The following HDC variants were observed in gnomAD, a reference collection of about 807,000 sequenced individuals.
HDC encodes the protein histidine decarboxylase.
In HDC, 27 loss-of-function variants were observed where a neutral mutation model predicts 64.4. The ratio of observed to expected loss-of-function variants is 0.42; its 90% confidence interval spans 0.31 to 0.58. The LOEUF (loss-of-function observed/expected upper bound fraction) is 0.58, where lower values mean the gene tolerates loss of function less well. Among genes scored for constraint, HDC ranks in the 20% least tolerant of loss-of-function variants. The pLI is 0.16. For missense variants in HDC, 711 were observed against 833.9 expected (o/e 0.85, Z 1.81); for synonymous variants, 305 against 314.2 (o/e 0.97, Z 0.31).
chr15:50,263,096 G>A, intron 2 of HDC, 139 bp downstream of exon 2: 1 of 846,450 alleles, frequency 1.2e-6, no homozygotes, highest in Non-Finnish European at 2.0e-6. Context: ...CCTAGCAGAT[G>A]GGCTGGGGTG....
chr15:50,265,387 G>A (rs905623599), intron 1 of HDC, among the ~76,000 whole-genome samples: 1 of 151,916 alleles, frequency 6.6e-6, no homozygotes, highest in Admixed American at 6.6e-5. Context: ...GTATATGAGA[G>A]GGAGAATGAA....
At chr15:50,265,063 C>T (rs2045749939) in intron 1 of HDC, among the ~76,000 whole-genome samples, 1 of 152,180 alleles carries the variant, frequency 6.6e-6, no homozygotes, top group South Asian at 2.1e-4. Flanking sequence ...ACCTACTTTC[C>T]TGCTAAGGGA....
chr15:50,244,534 G>A (rs1567445306), intron 10 of HDC: 1 of 152,004 alleles, frequency 6.6e-6, no homozygotes, highest in South Asian at 2.1e-4. Flanking sequence ...TCAAACTCCT[G>A]GGCTTAAGCG....
chr15:50,258,583 G>T, intron 2 of HDC, 66 bp from the exon 3 acceptor site: 1 of 911,278 alleles, frequency 1.1e-6, no homozygotes, highest in Non-Finnish European at 1.8e-6. Flanking sequence ...TTTCTCCAGA[G>T]ACCATCTCTG....
Position 50,242,846 on chromosome 15 carries a change from C to T in HDC, c.1403G>A (p.Arg468Gln), listed in dbSNP as rs753287349. 1.8e-5 allele frequency: 29 copies of T among 1,613,764 alleles called. No individual in the cohort carries two copies. The highest frequency in any genetic ancestry group is 5.3e-5 in the African/African-American group (4 of 74,948). ...ACTCAGGATGAGAGTGGCAGCATCT[C>T]GAATGAGATTCCAGTCTCTCAGGAT... ...DDILRDWNLI[R>Q]DAATLILSQH... The change falls in exon 12 of 12, where the codon CGA becomes CAA. Residue 468 changes from arginine to glutamine, a missense_variant. Arg to Gln is a conservative substitution (Grantham distance 43). Around this residue, in one of 3 missense-constraint regions of HDC, gnomAD observed 483 missense variants for 540.9 expected, o/e 0.89. Transcript: ENST00000267845.
chr15:50,252,680 C>T lies in HDC; in HGVS notation c.882G>A (p.Glu294=), dbSNP rs1453746351. 1 of 1,614,188 alleles carries T rather than the reference C, an allele frequency of 6.2e-7. No individual in the cohort carries two copies. The highest frequency in any genetic ancestry group is 8.5e-7 in the Non-Finnish European group (1 of 1,180,036). Residue 294 remains glutamate (E), a synonymous_variant, in exon 8 of 12, where the codon GAG becomes GAA. Coordinates refer to ENST00000267845, the MANE Select transcript of HDC (RefSeq NM_002112.4). ...GATTAAAGGTGAAGGAGTCGGCATA[C>T]TCAATCCCCTTCAGAAACCCCCGGA... The part of the protein sequence containing the change: ...PEFRGFLKGI[E]YADSFTFNPS...
chr15:50,255,040 A>G (rs1482835911), intron 4 of HDC, among the ~76,000 whole-genome samples: 2 of 152,182 alleles, frequency 1.3e-5, no homozygotes, highest in Admixed American at 1.3e-4. Context: ...ACAAATGGAT[A>G]TGGAGTTTGA....
At chr15:50,253,513 C>A in intron 7 of HDC, 87 bp downstream of exon 7, 1 of 1,164,324 alleles carries the variant, frequency 8.6e-7, no homozygotes, top group South Asian at 1.2e-5. Flanking sequence ...CAAGAATAAT[C>A]CCATAGAGCT....
chr15:50,246,262 A>T (rs973261481), intron 10 of HDC, among the ~76,000 whole-genome samples: 1 of 152,250 alleles, frequency 6.6e-6, no homozygotes, highest in Non-Finnish European at 1.5e-5. Flanking sequence ...CGCAAGTGTC[A>T]ATAATTATCA....
chr15:50,257,281 C>T, intron 4 of HDC, 144 bp downstream of exon 4: 1 of 963,968 alleles, frequency 1.0e-6, no homozygotes, highest in Non-Finnish European at 1.6e-6. Context: ...GAGGTGGAAG[C>T]TGTGATGATG....
At chr15:50,259,738 G>C (rs2140940873) in intron 2 of HDC, among the ~76,000 whole-genome samples, 1 of 152,218 alleles carries the variant, frequency 6.6e-6, no homozygotes, top group Admixed American at 6.5e-5. Context: ...CTGAGCGATA[G>C]AACTCTAGAA....
chr15:50,261,759 G>A (rs889986348), intron 2 of HDC, among the ~76,000 whole-genome samples: 12 of 150,746 alleles, frequency 8.0e-5, no homozygotes, highest in African/African-American at 2.9e-4. Flanking sequence ...GCCCAGGCTG[G>A]AGTGCAACGG....
intron 10 of HDC, among the ~76,000 whole-genome samples, chr15:50,247,019 C>G (rs1422419330): frequency 6.6e-6 from 1 of 152,182 alleles, no homozygotes; most frequent in African/African-American, 2.4e-5. Flanking sequence ...TGTTCTCACT[C>G]AAACGTGGGA....
chr15:50,255,687 C>T (rs572998031), intron 4 of HDC, among the ~76,000 whole-genome samples: 3 of 152,080 alleles, frequency 2.0e-5, no homozygotes, highest in Non-Finnish European at 4.4e-5. Context: ...GTAGTCCCAG[C>T]TACGTGGGAG....
At chr15:50,259,467 G>A (rs1472243550) in intron 2 of HDC, among the ~76,000 whole-genome samples, 1 of 152,080 alleles carries the variant, frequency 6.6e-6, no homozygotes, top group African/African-American at 2.4e-5. Flanking sequence ...GGCAGGAAGG[G>A]CCCCCCATCA....
In HDC at chr15:50,242,254, C is replaced by G. The variant is rs1433287580; in HGVS notation, c.*6G>C. ...TATCCTCAGACTCTGGCTGAAGGCCCTGTGTCTAAACCATGGCCTGCAGAG... is the reference window on the plus strand; with the variant it reads ...TATCCTCAGACTCTGGCTGAAGGCCGTGTGTCTAAACCATGGCCTGCAGAG... On this transcript the variant is annotated 3_prime_UTR_variant, in exon 12 of 12. Transcript: ENST00000267845. 6.2e-7 allele frequency: 1 copy of G among 1,612,160 alleles called. No homozygotes were observed. The highest frequency in any genetic ancestry group is 1.1e-5 in the South Asian group (1 of 91,030).
rs2045406147 is a variant in HDC, at chr15:50,242,360, A to C, written c.1889T>G (p.Phe630Cys). The change falls in exon 12 of 12, where the codon TTC becomes TGC. Residue 630 changes from phenylalanine to cysteine, a missense_variant. This residue lies in a region of HDC where 483 missense variants were observed against 540.9 expected (regional missense o/e 0.89). Coordinates refer to ENST00000267845, the MANE Select transcript of HDC (RefSeq NM_002112.4). ...EDMMMLKKSA[F>C]KKLIKFYSVP... ...GCTGTAGAATTTGATGAGTTTTTTG[A>C]AGGCACTTTTCTTCAGCATCATCAT... The C allele has an allele frequency of 3.1e-6, 5 of 1,614,114 alleles. No individual in the cohort carries two copies. Among genetic ancestry groups the C allele is most frequent in the Non-Finnish European group, 3.4e-6 (4 of 1,179,996 alleles).
intron 10 of HDC, among the ~76,000 whole-genome samples, chr15:50,243,538 C>T (rs1463778198): frequency 3.9e-5 from 6 of 152,196 alleles, no homozygotes; most frequent in South Asian, 2.1e-4. Flanking sequence ...CCAGGCAACC[C>T]GGCCTCAACT....
chr15:50,263,187 T>G (rs757065770), intron 2 of HDC, 48 bp downstream of exon 2: 1 of 1,596,056 alleles, frequency 6.3e-7, no homozygotes, highest in South Asian at 1.1e-5. Flanking sequence ...CCACCCACCC[T>G]TCTGTGCCCT....
Sources: gnomAD v4.1 joint callset for allele counts (sites outside exome capture counted in the v4.1 genomes callset) on GRCh38, gnomAD v4.1.1 for gene constraint, gnomAD v4.1.1 regional missense constraint, MANE v1.5 for transcripts, NCBI Gene and HGNC (gene_info 2026-07-23, HGNC 2026-07-21) for gene names.